Variants in SUGCT observed in about 807,000 individuals in gnomAD.
SUGCT encodes succinyl-CoA:glutarate CoA-transferase.
In SUGCT, 41 loss-of-function variants were observed where a neutral mutation model predicts 55.0. The observed-to-expected ratio is 0.74, with a 90% CI of 0.58 to 0.97. SUGCT has a LOEUF of 0.97. Ranked by LOEUF, SUGCT falls within the 50% of genes least tolerant of loss-of-function variation. The pLI is 0.00. For synonymous variants in SUGCT, 187 were observed against 200.4 expected, an observed-to-expected ratio of 0.93 and a Z score of 0.56; for missense variants, 568 against 547.8, an observed-to-expected ratio of 1.04 and a Z score of -0.37.
the SUGCT span, chr7:40,965,997 C>T: frequency 6.6e-6 from 1 of 152,188 alleles, no homozygotes; most frequent in Non-Finnish European, 1.5e-5. Context: ...CTCTCTTCTG[C>T]CTCACCACTC....
chr7:40,749,731 C>G (rs1305665515), intron 13 of SUGCT, among the ~76,000 whole-genome samples: 1 of 152,130 alleles, frequency 6.6e-6, no homozygotes, highest in Non-Finnish European at 1.5e-5. Context: ...AAAAAATGCT[C>G]GCATTTCTTA....
At chr7:40,915,341 G>A in the SUGCT span, among the ~76,000 whole-genome samples, 287 of 152,260 alleles carry the variant, frequency 1.9e-3, 2 homozygotes, top group Non-Finnish European at 2.6e-3. Context: ...GACTCAACAA[G>A]ATATCTGGAG....
chr7:40,631,326 G>T (rs987190300), intron 12 of SUGCT, among the ~76,000 whole-genome samples: 1 of 152,092 alleles, frequency 6.6e-6, no homozygotes, highest in Non-Finnish European at 1.5e-5. Flanking sequence ...CCTAAGCTTG[G>T]CTGTGTATGG....
chr7:40,716,179 T>G (rs542861875), intron 12 of SUGCT, among the ~76,000 whole-genome samples: 1 of 152,298 alleles, frequency 6.6e-6, no homozygotes, highest in African/African-American at 2.4e-5. Context: ...GCCAGTAAAT[T>G]CCTGTGGAAT....
chr7:40,479,898 T>A (rs1287601335), intron 11 of SUGCT, among the ~76,000 whole-genome samples: 1 of 152,174 alleles, frequency 6.6e-6, no homozygotes, highest in Non-Finnish European at 1.5e-5. Context: ...GATGTATTAG[T>A]TCCTTATATA....
chr7:40,899,637 C>T, the SUGCT span, among the ~76,000 whole-genome samples: 1 of 151,906 alleles, frequency 6.6e-6, no homozygotes, highest in Non-Finnish European at 1.5e-5. Context: ...TTTTTATAAA[C>T]TTCCAGGACT....
chr7:40,858,560 T>TA (rs1794319145), intron 13 of SUGCT, among the ~76,000 whole-genome samples: 2 of 152,172 alleles, frequency 1.3e-5, no homozygotes, highest in Non-Finnish European at 2.9e-5. Flanking sequence ...CTTCTTTTGA[T>TA]AGACGGGTTT....
intron 1 of SUGCT, among the ~76,000 whole-genome samples, chr7:40,173,396 G>C (rs1784771715): frequency 2.0e-5 from 3 of 152,180 alleles, no homozygotes; most frequent in South Asian, 2.1e-4. Flanking sequence ...GACAGCAAGC[G>C]AAAGCTCAGC....
intron 1 of SUGCT, chr7:40,153,399 C>T (rs1407747722): frequency 8.3e-6 from 3 of 363,336 alleles, no homozygotes; most frequent in Non-Finnish European, 1.6e-5. Flanking sequence ...AGTGGAAGGC[C>T]GACATGACCA....
At chr7:40,226,033 C>G (rs1379191007) in intron 6 of SUGCT, among the ~76,000 whole-genome samples, 1 of 152,110 alleles carries the variant, frequency 6.6e-6, no homozygotes, top group Non-Finnish European at 1.5e-5. Flanking sequence ...CCCTAAATTA[C>G]TGCTATTAGT....
chr7:40,719,247 T>C (rs1786189122), intron 12 of SUGCT, among the ~76,000 whole-genome samples: 1 of 152,220 alleles, frequency 6.6e-6, no homozygotes, highest in Admixed American at 6.5e-5. Flanking sequence ...GGCCATTCTT[T>C]TCCTTTCCCT....
chr7:40,682,280 C>T (rs1784283415), intron 12 of SUGCT, among the ~76,000 whole-genome samples: 1 of 152,168 alleles, frequency 6.6e-6, no homozygotes, highest in African/African-American at 2.4e-5. Flanking sequence ...TCTGGCTGCT[C>T]ATTTGTATCC....
At chr7:40,270,617 A>C (rs1217225892) in intron 7 of SUGCT, among the ~76,000 whole-genome samples, 1 of 152,188 alleles carries the variant, frequency 6.6e-6, no homozygotes, top group Non-Finnish European at 1.5e-5. Context: ...GCTTTGTAGT[A>C]AGTTTTGAAA....
chr7:40,297,578 G>A (rs1363946145), intron 8 of SUGCT, among the ~76,000 whole-genome samples: 1 of 151,760 alleles, frequency 6.6e-6, no homozygotes, highest in African/African-American at 2.4e-5. Flanking sequence ...GACCTCTTTC[G>A]CTAAAAGAGA....
chr7:40,710,754 A>G (rs1785666905), intron 12 of SUGCT, among the ~76,000 whole-genome samples: 2 of 152,178 alleles, frequency 1.3e-5, no homozygotes, highest in Admixed American at 6.5e-5. Flanking sequence ...TGAAAGATCA[A>G]CCCCAGGGCT....
chr7:40,847,410 TC>T lies in SUGCT; in HGVS notation c.1154-12905del, dbSNP rs1259911812. Among the ~76,000 whole-genome samples, 196 of 101,418 alleles carry T rather than the reference TC, an allele frequency of 1.9e-3. 3 individuals carry two copies. The highest frequency in any genetic ancestry group is 0.017 in the East Asian group (14 of 802). The allele number at this position is 101,418 out of a possible 152,430, so 66.5% of individuals were successfully genotyped here. ...GACATATACATTTCTTTTCTTTCTT[TC>T]TTTTTTTTTTTTTTTTTTTTTTTGA... On this transcript the variant is annotated intron_variant, in intron 13 of 13. Transcript: ENST00000335693.
At chr7:40,644,362 A>C (rs1381025223) in intron 12 of SUGCT, among the ~76,000 whole-genome samples, 1 of 152,160 alleles carries the variant, frequency 6.6e-6, no homozygotes. Context: ...GGCTGTGCCC[A>C]CAGCTACCCC....
At chr7:40,589,889 A>G (rs1797619567) in intron 12 of SUGCT, among the ~76,000 whole-genome samples, 1 of 152,184 alleles carries the variant, frequency 6.6e-6, no homozygotes, top group Non-Finnish European at 1.5e-5. Context: ...ACTACAAGGA[A>G]TGCCTCATTT....
At chr7:40,517,856 T>C (rs566537450) in intron 12 of SUGCT, among the ~76,000 whole-genome samples, 2 of 152,196 alleles carry the variant, frequency 1.3e-5, no homozygotes, top group South Asian at 2.1e-4. Context: ...TCCCGGTAGA[T>C]CTTAAATCTA....
Sources: gnomAD v4.1 joint callset for allele counts (sites outside exome capture counted in the v4.1 genomes callset) on GRCh38, gnomAD v4.1.1 for gene constraint, MANE v1.5 for transcripts, NCBI Gene and HGNC (gene_info 2026-07-23, HGNC 2026-07-21) for gene names.